The following MAGEC3 variants were observed in gnomAD, a reference collection of about 807,000 sequenced individuals.
MAGEC3 encodes the protein MAGE family member C3.
MAGEC3 carries 34 observed loss-of-function variants against 35.3 expected under a neutral mutation model. The ratio of observed to expected loss-of-function variants is 0.96; its 90% CI spans 0.73 to 1.28. MAGEC3 has a LOEUF of 1.28. MAGEC3 is among the 50% of genes most tolerant of loss of function. MAGEC3 has a pLI of 0.00. For missense variants in MAGEC3, 561 were observed against 483.6 expected, an observed-to-expected ratio of 1.16 and a Z score of -1.50; for synonymous variants, 202 against 185.6, an observed-to-expected ratio of 1.09 and a Z score of -0.72.
intron 1 of MAGEC3, among the ~76,000 whole-genome samples, chrX:141,848,996 G>A (rs189436777): frequency 9.0e-6 from 1 of 111,047 alleles, no homozygotes; most frequent in African/African-American, 3.3e-5. Context: ...CAAAGTCAGA[G>A]GCCTCACATT....
intron 2 of MAGEC3, among the ~76,000 whole-genome samples, chrX:141,866,180 A>G (rs2124101289): frequency 8.9e-6 from 1 of 112,254 alleles, no homozygotes; most frequent in South Asian, 3.7e-4. Context: ...TCATTTTCTT[A>G]AATGAATCAT....
At chrX:141,884,387 C>A (rs183908345) in intron 4 of MAGEC3, among the ~76,000 whole-genome samples, 1 of 111,966 alleles carries the variant, frequency 8.9e-6, no homozygotes, top group Non-Finnish European at 1.9e-5. Context: ...GGGACTCGGA[C>A]TGGCTTCCTT....
intron 1 of MAGEC3, among the ~76,000 whole-genome samples, chrX:141,861,751 T>C (rs1315233419): frequency 9.0e-6 from 1 of 111,667 alleles, no homozygotes; most frequent in Non-Finnish European, 1.9e-5. Context: ...GGACTCCTAC[T>C]TTTTACCATA....
chrX:141,869,832 C>T lies in MAGEC3; in HGVS notation c.258+4227C>T, dbSNP rs112418314. On this transcript the variant is annotated intron_variant, in intron 2 of 7. Coordinates refer to ENST00000298296, the MANE Select transcript of MAGEC3 (RefSeq NM_138702.1). ...ACAACTTTAATTATGATTAATAGCA[C>T]ATATTTGGACACGAGAACTTTAGAC... Among the ~76,000 whole-genome samples the T allele has an allele frequency of 8.8e-3, 991 of 112,009 alleles. 8 individuals are homozygous for T. The highest frequency in any genetic ancestry group is 0.014 in the Non-Finnish European group (736 of 53,198).
In MAGEC3 at chrX:141,850,591, CTG is replaced by C. The variant is rs1466321198; in HGVS notation, c.123+12155_123+12156del. Among the ~76,000 whole-genome samples the C allele has an allele frequency of 4.5e-5, 5 of 111,020 alleles. No homozygotes were observed. In the East Asian group the frequency reaches 1.1e-3, roughly 26 times the overall value. ...ACCCCCACACATTATGGAGGGTAATCTGTTTCACTCAAAGTTCACTAATTTAA... is the reference window on the plus strand; with the variant it reads ...ACCCCCACACATTATGGAGGGTAATCTTTCACTCAAAGTTCACTAATTTAA... On this transcript the variant is annotated intron_variant, in intron 1 of 7. Transcript: ENST00000298296.
chrX:141,856,323 A>C (rs1455583302), intron 1 of MAGEC3, among the ~76,000 whole-genome samples: 2 of 111,327 alleles, frequency 1.8e-5, no homozygotes, highest in Non-Finnish European at 3.8e-5. Flanking sequence ...AAAACATCTC[A>C]AAGTTTTTCT....
intron 2 of MAGEC3, among the ~76,000 whole-genome samples, chrX:141,874,880 T>C (rs2017910833): frequency 9.2e-6 from 1 of 108,914 alleles, no homozygotes; most frequent in Non-Finnish European, 1.9e-5. Context: ...GTGATTTGGG[T>C]AGGGGGTGGT....
At chrX:141,891,146 C>T (rs1164528719) in intron 4 of MAGEC3, among the ~76,000 whole-genome samples, 4 of 111,342 alleles carry the variant, frequency 3.6e-5, no homozygotes, top group Non-Finnish European at 5.6e-5. Flanking sequence ...TCCCTCTTTC[C>T]GTGTGTCTGT....
chrX:141,884,257 TA>T (rs2017986287), intron 4 of MAGEC3, among the ~76,000 whole-genome samples: 1 of 111,998 alleles, frequency 8.9e-6, no homozygotes, highest in African/African-American at 3.2e-5. Flanking sequence ...AGGACCAGAA[TA>T]AAAAGCAGGC....
At chrX:141,854,329 C>T (rs1160388387) in intron 1 of MAGEC3, among the ~76,000 whole-genome samples, 1 of 110,767 alleles carries the variant, frequency 9.0e-6, no homozygotes, top group African/African-American at 3.3e-5. Context: ...AGAAAACTAC[C>T]TGTGAGGTAG....
chrX:141,855,290 A>G (rs1015689770), intron 1 of MAGEC3, among the ~76,000 whole-genome samples: 1 of 111,080 alleles, frequency 9.0e-6, no homozygotes, highest in African/African-American at 3.3e-5. Flanking sequence ...TCAATTAGAA[A>G]TTATATCTAG....
chrX:141,861,510 G>T (rs1003540379), intron 1 of MAGEC3, among the ~76,000 whole-genome samples: 1 of 111,525 alleles, frequency 9.0e-6, no homozygotes, highest in Non-Finnish European at 1.9e-5. Flanking sequence ...AGCTGGAGGC[G>T]TAACACTACC....
intron 1 of MAGEC3, among the ~76,000 whole-genome samples, chrX:141,847,412 T>A (rs1363750954): frequency 9.0e-6 from 1 of 111,428 alleles, no homozygotes; most frequent in Non-Finnish European, 1.9e-5. Flanking sequence ...TCATTATGGA[T>A]GGATTTCTTA....
intron 4 of MAGEC3, among the ~76,000 whole-genome samples, chrX:141,885,764 C>G (rs1243022579): frequency 1.8e-5 from 2 of 109,563 alleles, no homozygotes; most frequent in African/African-American, 6.7e-5. Context: ...CTGGAAATGC[C>G]TGATTTCTTG....
At chrX:141,867,524 A>T (rs2124102528) in intron 2 of MAGEC3, among the ~76,000 whole-genome samples, 1 of 112,095 alleles carries the variant, frequency 8.9e-6, no homozygotes, top group East Asian at 2.8e-4. Context: ...GTAAAAACAA[A>T]ACAAAACAAA....
At chrX:141,883,654 C>A (rs1364829584) in intron 4 of MAGEC3, among the ~76,000 whole-genome samples, 2 of 112,352 alleles carry the variant, frequency 1.8e-5, no homozygotes, top group Non-Finnish European at 3.8e-5. Flanking sequence ...TTGTTTGAAG[C>A]AGGCCACTGA....
At chrX:141,843,070 A>C (rs191918116) in intron 1 of MAGEC3, among the ~76,000 whole-genome samples, 3 of 112,546 alleles carry the variant, frequency 2.7e-5, no homozygotes, top group Non-Finnish European at 5.6e-5. Context: ...CTGCATTTGC[A>C]GAGGCATAGA....
intron 3 of MAGEC3, 120 bp downstream of exon 3, chrX:141,879,551 GCCCA>G: frequency 1.1e-6 from 1 of 895,963 alleles, no homozygotes; most frequent in East Asian, 3.5e-5. Context: ...GGTGGAGGGG[GCCCA>G]GGAGATGGGC....
chrX:141,872,008 G>A (rs1274839441), intron 2 of MAGEC3, among the ~76,000 whole-genome samples: 1 of 110,102 alleles, frequency 9.1e-6, no homozygotes, highest in African/African-American at 3.3e-5. Context: ...TGGAGAAAGG[G>A]GTTTTAGGGG....
Sources: gnomAD v4.1 joint callset for allele counts (sites outside exome capture counted in the v4.1 genomes callset) on GRCh38, gnomAD v4.1.1 for gene constraint, MANE v1.5 for transcripts, NCBI Gene and HGNC (gene_info 2026-07-23, HGNC 2026-07-21) for gene names.